Variants in WDFY2 observed in about 807,000 individuals in gnomAD.
The protein encoded by WDFY2 is WD repeat and FYVE domain containing 2.
A neutral mutation model predicts 56.4 loss-of-function variants in WDFY2; 36 were observed. That is an observed-to-expected ratio of 0.64 (90% CI 0.49 to 0.84). WDFY2 has a LOEUF of 0.84. WDFY2 is among the 40% of genes least tolerant of loss of function. WDFY2 has a pLI of 0.00. For synonymous variants in WDFY2, 176 were observed against 183.7 expected, an observed-to-expected ratio of 0.96 and a Z score of 0.34; for missense variants, 444 against 512.2, an observed-to-expected ratio of 0.87 and a Z score of 1.29.
At chr13:51,703,003 C>T (rs1358516878) in intron 3 of WDFY2, among the ~76,000 whole-genome samples, 3 of 152,110 alleles carry the variant, frequency 2.0e-5, no homozygotes, top group African/African-American at 7.2e-5. Context: ...GATACAGAAA[C>T]TGATTTTTTC....
At chr13:51,665,072 G>A (rs1955676576) in intron 2 of WDFY2, among the ~76,000 whole-genome samples, 1 of 152,178 alleles carries the variant, frequency 6.6e-6, no homozygotes, top group Admixed American at 6.5e-5. Context: ...TTTAATGTGG[G>A]AAGCAGGCAT....
intron 1 of WDFY2, among the ~76,000 whole-genome samples, chr13:51,600,669 G>C (rs1954257335): frequency 6.6e-6 from 1 of 152,126 alleles, no homozygotes; most frequent in Non-Finnish European, 1.5e-5. Flanking sequence ...CATGTTGCAG[G>C]GATATGGCAA....
At chr13:51,719,505 T>C (rs3825410) in intron 5 of WDFY2, among the ~76,000 whole-genome samples, 157 bp downstream of exon 5, 13,907 of 152,198 alleles carry the variant, frequency 0.091, 945 homozygotes, top group East Asian at 0.29. Context: ...CACAAATCAT[T>C]GAGTTCCCAT....
intron 1 of WDFY2, among the ~76,000 whole-genome samples, chr13:51,640,937 AAGAGAAATAGAGAC>A (rs1955143566): frequency 6.6e-6 from 1 of 152,158 alleles, no homozygotes; most frequent in Non-Finnish European, 1.5e-5. Context: ...ATAAAGGATA[AAGAGAAATAGAGAC>A]AGCGCAGGCA....
At chr13:51,731,678 G>A (rs757227326) in intron 6 of WDFY2, among the ~76,000 whole-genome samples, 3 of 152,186 alleles carry the variant, frequency 2.0e-5, no homozygotes, top group African/African-American at 4.8e-5. Flanking sequence ...TAGTAGGCTC[G>A]TTCTGGGCCC....
chr13:51,758,543 C>T (rs1372404646), intron 11 of WDFY2, among the ~76,000 whole-genome samples: 4 of 142,978 alleles, frequency 2.8e-5, no homozygotes, highest in African/African-American at 1.1e-4. Flanking sequence ...AAAGCAAGAC[C>T]TCATCTCTTA....
Position 51,619,079 on chromosome 13 carries a change from T to C in WDFY2, c.137+34255T>C, listed in dbSNP as rs1457765295. Among the ~76,000 whole-genome samples, 4 of 152,378 alleles carry C rather than the reference T, an allele frequency of 2.6e-5. No homozygotes were observed. The East Asian group carries it at 7.7e-4, about 29-fold the overall frequency. On this transcript the variant is annotated intron_variant, in intron 1 of 11. Transcript: ENST00000298125. Reference sequence around the variant, plus strand: ...AGCAGATTGTGTGCCTCACTGTCTTTCTTTGATTTTCTCTCACATCTATGT... The same window carrying C: ...AGCAGATTGTGTGCCTCACTGTCTTCCTTTGATTTTCTCTCACATCTATGT...
At chr13:51,594,965 G>A (rs1954118356) in intron 1 of WDFY2, among the ~76,000 whole-genome samples, 1 of 152,206 alleles carries the variant, frequency 6.6e-6, no homozygotes, top group Non-Finnish European at 1.5e-5. Context: ...GATGTACAGA[G>A]TTTGGTCTGT....
rs1953380871 is a variant in WDFY2, at chr13:51,756,318, T to G, written c.934-14T>G. On this transcript the variant is annotated splice_polypyrimidine_tract_variant and intron_variant, in intron 9 of 11. Transcript: ENST00000298125. ...GGAGCCGTGATGAGTATCTATTTTA[T>G]CTCCCTCCTCCAGCACCACTGCCGC... 1 of 1,609,870 alleles carries G rather than the reference T, an allele frequency of 6.2e-7. No individual in the cohort carries two copies. Among genetic ancestry groups the G allele is most frequent in the East Asian group, 2.2e-5 (1 of 44,832 alleles).
At chr13:51,662,698 T>TA (rs1435559572) in intron 2 of WDFY2, among the ~76,000 whole-genome samples, 2 of 152,218 alleles carry the variant, frequency 1.3e-5, no homozygotes, top group Non-Finnish European at 2.9e-5. Context: ...CTATAGCTCT[T>TA]ACACCTGGCA....
At chr13:51,747,628 C>T (rs1953133130) in intron 7 of WDFY2, among the ~76,000 whole-genome samples, 1 of 152,226 alleles carries the variant, frequency 6.6e-6, no homozygotes, top group African/African-American at 2.4e-5. Flanking sequence ...GCCTTTCAGG[C>T]TCAAGTGATC....
At chr13:51,648,708 G>C (rs925467469) in intron 1 of WDFY2, among the ~76,000 whole-genome samples, 1 of 152,132 alleles carries the variant, frequency 6.6e-6, no homozygotes, top group Non-Finnish European at 1.5e-5. Context: ...TGCACGTTCT[G>C]CACATGTATC....
intron 2 of WDFY2, among the ~76,000 whole-genome samples, chr13:51,665,479 A>G (rs1398759452): frequency 6.6e-6 from 1 of 152,198 alleles, no homozygotes; most frequent in African/African-American, 2.4e-5. Flanking sequence ...ATCATGTAAA[A>G]AGCACAAGCA....
At chr13:51,609,488 T>C (rs1410241277) in intron 1 of WDFY2, among the ~76,000 whole-genome samples, 1 of 152,062 alleles carries the variant, frequency 6.6e-6, no homozygotes, top group Non-Finnish European at 1.5e-5. Context: ...GGACATTTAG[T>C]GTTGGTATAA....
chr13:51,639,807 G>C (rs151323530), intron 1 of WDFY2, among the ~76,000 whole-genome samples: 2 of 152,308 alleles, frequency 1.3e-5, no homozygotes, highest in East Asian at 3.9e-4. Flanking sequence ...CACTGCAGAA[G>C]TAGGCATTTT....
chr13:51,596,647 A>T (rs543156867), intron 1 of WDFY2, among the ~76,000 whole-genome samples: 4 of 152,322 alleles, frequency 2.6e-5, no homozygotes, highest in Non-Finnish European at 5.9e-5. Flanking sequence ...ATGGGTAGAG[A>T]CAGAGAAGTT....
Position 51,766,112 on chromosome 13 carries a change from T to C in WDFY2, c.*6343T>C, listed in dbSNP as rs1953740375. 1 of 152,274 alleles carries C rather than the reference T, an allele frequency of 6.6e-6. No individual in the cohort carries two copies. Among genetic ancestry groups the C allele is most frequent in the Non-Finnish European group, 1.5e-5 (1 of 68,046 alleles). 9.4% of individuals were successfully genotyped at this position (152,274 alleles called of 1,614,324 possible). A position where few individuals can be genotyped will look rare whatever the true frequency, so the allele number is the denominator to read the frequency against. The stretch of plus-strand genomic sequence containing the variant: ...CTTACGTCAGTAGTATATGCCACTA[T>C]GAAGTATGGCCAAAACCCTAGCGTC... On this transcript the variant is annotated 3_prime_UTR_variant, in exon 12 of 12. Transcript: ENST00000298125.
intron 11 of WDFY2, among the ~76,000 whole-genome samples, chr13:51,759,518 T>G (rs1953513231): frequency 6.6e-6 from 1 of 152,214 alleles, no homozygotes. Context: ...CTGCCATGAT[T>G]CTTCATGAGC....
chr13:51,660,706 T>C, intron 2 of WDFY2, 43 bp downstream of exon 2: 1 of 1,563,314 alleles, frequency 6.4e-7, no homozygotes. Flanking sequence ...GACATGTCCT[T>C]CCCAGATTGC....
Sources: allele counts gnomAD v4.1 joint callset (sites outside exome capture counted in the v4.1 genomes callset), GRCh38; gene constraint gnomAD v4.1.1; transcripts MANE v1.5; gene names NCBI Gene and HGNC (gene_info 2026-07-23, HGNC 2026-07-21).